The following CUL3 variants were observed in gnomAD, a reference collection of about 807,000 sequenced individuals.
CUL3 encodes the protein cullin-3.
Under a neutral mutation model 89.1 loss-of-function variants are expected in CUL3, and 19 were observed. The observed-to-expected ratio is 0.21, with a 90% CI of 0.15 to 0.31. CUL3 has a LOEUF of 0.31. Among genes scored for constraint, CUL3 ranks in the 10% least tolerant of loss-of-function variants. The pLI, the probability that CUL3 is intolerant of heterozygous loss-of-function variation, is 1.00. For missense variants in CUL3, 469 were observed against 942.3 expected (o/e 0.50, Z 6.58); for synonymous variants, 351 against 308.4 (o/e 1.14, Z -1.45).
Position 224,524,957 on chromosome 2 carries a change from T to A in CUL3, c.379-10185A>T, listed in dbSNP as rs575630810. ...CTCTAAGGTAACTACTAAAATAACA[T>A]GTAAATAATAAGCTAATGGGGGTGG... On this transcript the variant is annotated intron_variant, in intron 3 of 15. Transcript: ENST00000264414. 1.8e-4 allele frequency among the ~76,000 whole-genome samples: 26 copies of A among 148,514 alleles called. 1 individual carries two copies. Among genetic ancestry groups the A allele is most frequent in the African/African-American group, 6.5e-4 (26 of 40,094 alleles).
intron 13 of CUL3, among the ~76,000 whole-genome samples, chr2:224,488,728 T>C (rs1242197421): frequency 6.6e-6 from 1 of 152,100 alleles, no homozygotes; most frequent in Non-Finnish European, 1.5e-5. Context: ...TTCCAAACAA[T>C]ATAAAAAGAG....
chr2:224,554,412 G>GTA (rs1694628489), intron 2 of CUL3, among the ~76,000 whole-genome samples: 1 of 152,156 alleles, frequency 6.6e-6, no homozygotes, highest in Admixed American at 6.5e-5. Flanking sequence ...TTTACAGACA[G>GTA]TAAGTCCATT....
chr2:224,493,420 C>A (rs1401401834), intron 13 of CUL3, among the ~76,000 whole-genome samples: 12 of 152,228 alleles, frequency 7.9e-5, no homozygotes, highest in Non-Finnish European at 1.5e-4. Context: ...TGTGCCTTCT[C>A]ACAATGCCCC....
At chr2:224,537,439 T>A (rs1693937271) in intron 2 of CUL3, among the ~76,000 whole-genome samples, 1 of 152,196 alleles carries the variant, frequency 6.6e-6, no homozygotes, top group Admixed American at 6.5e-5. Context: ...GACTTCAAGT[T>A]ACATCACCCA....
At chr2:224,573,573 C>G (rs1233751261) in intron 1 of CUL3, among the ~76,000 whole-genome samples, 1 of 152,148 alleles carries the variant, frequency 6.6e-6, no homozygotes, top group East Asian at 1.9e-4. Context: ...ACTCCTGGAA[C>G]CTGAAGGTAG....
chr2:224,477,758 A>G (rs1426245490), intron 15 of CUL3, among the ~76,000 whole-genome samples: 1 of 152,184 alleles, frequency 6.6e-6, no homozygotes, highest in Non-Finnish European at 1.5e-5. Context: ...ATCTTGATTC[A>G]GTTTTCTACC....
intron 2 of CUL3, among the ~76,000 whole-genome samples, chr2:224,550,901 A>G (rs1160379273): frequency 6.6e-6 from 1 of 152,124 alleles, no homozygotes; most frequent in African/African-American, 2.4e-5. Flanking sequence ...ATAATTAATT[A>G]CAAAGCCTTC....
chr2:224,584,795 T>A, intron 1 of CUL3, 149 bp downstream of exon 1: 1 of 325,274 alleles, frequency 3.1e-6, no homozygotes, highest in Non-Finnish European at 4.5e-6. Flanking sequence ...GCCGCCCGGT[T>A]GCCGGGAAGG....
chr2:224,568,844 C>T (rs778827869), intron 1 of CUL3, among the ~76,000 whole-genome samples: 21 of 152,304 alleles, frequency 1.4e-4, no homozygotes, highest in African/African-American at 4.3e-4. Context: ...CAGATTAATA[C>T]ATACACATGA....
rs1166861796 is a variant in CUL3 at position 224,585,212 on chromosome 2, C to T, written c.-203G>A. On this transcript the variant is annotated 5_prime_UTR_variant, in exon 1 of 16. Coordinates refer to ENST00000264414, the MANE Select transcript of CUL3 (RefSeq NM_003590.5). Reference sequence around the variant, plus strand: ...GCGGCGGCGGCGGCTCGGACTCTGGCGACTCCGATGCGGCTGGGGGGCTGC... The same window carrying T: ...GCGGCGGCGGCGGCTCGGACTCTGGTGACTCCGATGCGGCTGGGGGGCTGC... The T allele has an allele frequency of 2.7e-6, 1 of 367,662 alleles. No individual in the cohort carries two copies. The highest frequency in any genetic ancestry group is 4.7e-6 in the Non-Finnish European group (1 of 211,558). The allele number at this position is 367,662 out of a possible 1,614,324, so 22.8% of individuals were successfully genotyped here. A position where few individuals can be genotyped will look rare whatever the true frequency, so the allele number is the denominator to read the frequency against.
chr2:224,557,883 CAAAAAAAAAA>C lies in CUL3; in HGVS notation c.67-37_67-28del, dbSNP rs748754000. On this transcript the variant is annotated intron_variant, in intron 1 of 15. Coordinates refer to ENST00000264414, the MANE Select transcript of CUL3 (RefSeq NM_003590.5). ...TGTAATATCCAAGAGAGAGAAGAGA[CAAAAAAAAAA>C]AAAAAAAAAAAACCAATGGTTGAAA... 3.2e-4 allele frequency: 36 copies of C among 112,604 alleles called. No individual in the cohort carries two copies. The South Asian group carries it at 5.2e-3, about 16-fold the overall frequency. 7.0% of individuals were successfully genotyped at this position (112,604 alleles called of 1,614,324 possible).
At chr2:224,565,355 G>A (rs942239667) in intron 1 of CUL3, among the ~76,000 whole-genome samples, 1 of 152,174 alleles carries the variant, frequency 6.6e-6, no homozygotes, top group South Asian at 2.1e-4. Flanking sequence ...AGGTGTAGGA[G>A]GAAGAGAAGT....
chr2:224,494,112 C>T (rs555430911), intron 13 of CUL3, among the ~76,000 whole-genome samples: 38 of 152,222 alleles, frequency 2.5e-4, no homozygotes, highest in African/African-American at 8.7e-4. Flanking sequence ...AATGATGGCT[C>T]TCTTAATTAT....
intron 1 of CUL3, among the ~76,000 whole-genome samples, chr2:224,574,964 T>C (rs560145777): frequency 1.3e-5 from 2 of 152,120 alleles, no homozygotes; most frequent in African/African-American, 4.8e-5. Flanking sequence ...AAAAAGGAAA[T>C]AGAGACTCCT....
Position 224,564,867 on chromosome 2 carries a change from C to T in CUL3, c.67-7011G>A, listed in dbSNP as rs550290180. Among the ~76,000 whole-genome samples, 3 of 152,332 alleles carry T rather than the reference C, an allele frequency of 2.0e-5. No individual in the cohort carries two copies. The South Asian group carries it at 6.2e-4, about 32-fold the overall frequency. ...ATCCAAACCTGCCCAAACCTTCTTC[C>T]TGTAATCTCTAATTCAGTTGTGGCA... On this transcript the variant is annotated intron_variant, in intron 1 of 15. Coordinates refer to ENST00000264414, the MANE Select transcript of CUL3 (RefSeq NM_003590.5).
rs2106197251 is a variant in CUL3 at position 224,503,763 on chromosome 2, C to T, written c.1266G>A (p.Met422Ile). ...LDKAMVLFRFMQEKDVFERYY... is the reference protein window; with the variant it reads ...LDKAMVLFRFIQEKDVFERYY... ...AACGTTCAAATACATCTTTTTCTTG[C>T]ATAAACCTAAAAAGGACCATTGCTT... The change falls in exon 9 of 16, where the codon ATG becomes ATA. Residue 422 changes from methionine to isoleucine, a missense_variant. By Grantham distance (10) the Met-to-Ile change is conservative. Transcript: ENST00000264414. 1 of 1,606,178 alleles carries T rather than the reference C, an allele frequency of 6.2e-7. No individual in the cohort carries two copies. The highest frequency in any genetic ancestry group is 8.5e-7 in the Non-Finnish European group (1 of 1,177,446).
chr2:224,470,379 C>T lies in CUL3; in HGVS notation c.*3866G>A. On this transcript the variant is annotated 3_prime_UTR_variant, in exon 16 of 16. Transcript: ENST00000264414. ...ACTGAGCATCAAATTACTTAAATGA[C>T]ACGCTTACAAATTTGCCATTTCTAA... is the stretch of plus-strand genomic sequence containing the variant. The T allele has an allele frequency of 8.7e-6, 2 of 229,504 alleles. No homozygotes were observed. Among genetic ancestry groups the T allele is most frequent in the East Asian group, 1.2e-4 (2 of 16,010 alleles). The allele number at this position is 229,504 out of a possible 1,614,324, so 14.2% of individuals were successfully genotyped here. A position where few individuals can be genotyped will look rare whatever the true frequency, so the allele number is the denominator to read the frequency against.
At chr2:224,525,796 ACT>A (rs1234075679) in intron 3 of CUL3, among the ~76,000 whole-genome samples, 3 of 152,094 alleles carry the variant, frequency 2.0e-5, no homozygotes, top group East Asian at 1.9e-4. Context: ...AACTTAATCT[ACT>A]CTGTTTTCTT....
chr2:224,550,035 G>A (rs1326682060), intron 2 of CUL3, among the ~76,000 whole-genome samples: 2 of 152,076 alleles, frequency 1.3e-5, no homozygotes, highest in Non-Finnish European at 2.9e-5. Context: ...ATCTGAACAC[G>A]AAGTGTTTAA....
Sources: gnomAD v4.1 joint callset for allele counts (sites outside exome capture counted in the v4.1 genomes callset) on GRCh38, gnomAD v4.1.1 for gene constraint, MANE v1.5 for transcripts, NCBI Gene and HGNC (gene_info 2026-07-23, HGNC 2026-07-21) for gene names.